The following PASD1 variants were observed in gnomAD, a reference collection of about 807,000 sequenced individuals.
The protein encoded by PASD1 is PAS domain containing repressor 1, also known as circadian clock protein PASD1.
Under a neutral mutation model 58.8 loss-of-function variants are expected in PASD1, and 13 were observed. The observed-to-expected ratio is 0.22, with a 90% CI of 0.14 to 0.35. The LOEUF (loss-of-function observed/expected upper bound fraction) is 0.35, where lower values mean the gene tolerates loss of function less well. PASD1 is among the 10% of genes least tolerant of loss of function. The pLI, the probability that PASD1 is intolerant of heterozygous loss-of-function variation, is 1.00. For missense variants in PASD1, 734 were observed against 568.3 expected (o/e 1.29, Z -2.96); for synonymous variants, 236 against 216.7 (o/e 1.09, Z -0.78).
intron 9 of PASD1, among the ~76,000 whole-genome samples, chrX:151,656,381 A>G (rs1174870151): frequency 4.5e-5 from 5 of 111,527 alleles, no homozygotes; most frequent in Non-Finnish European, 7.5e-5. Flanking sequence ...GTTTTTTCCA[A>G]TTCTGTGAAG....
intron 1 of PASD1, among the ~76,000 whole-genome samples, chrX:151,582,657 TAAA>T (rs1001573454): frequency 8.1e-5 from 9 of 111,739 alleles, no homozygotes; most frequent in Non-Finnish European, 1.5e-4. Flanking sequence ...CTCCGAAGCC[TAAA>T]ATGCTGCTGC....
In PASD1 at chrX:151,675,287, G is replaced by A. The variant is rs368958616; in HGVS notation, c.2176-710G>A. Among the ~76,000 whole-genome samples, 4 of 111,369 alleles carry A rather than the reference G, an allele frequency of 3.6e-5. No individual in the cohort carries two copies. The East Asian group carries it at 8.6e-4, about 24-fold the overall frequency. ...CCCTGCTATCCTCAGGATGAAACCC[G>A]AGCTCCTCTTCTTAGCTTCCCAGCC... On this transcript the variant is annotated intron_variant, in intron 15 of 15. Transcript: ENST00000370357.
chrX:151,672,118 T>C, intron 13 of PASD1, 65 bp from the exon 14 acceptor site: 2 of 1,111,936 alleles, frequency 1.8e-6, no homozygotes, highest in Non-Finnish European at 2.3e-6. Flanking sequence ...ATGGGAGTGT[T>C]AAATAAGTTT....
chrX:151,580,713 T>C (rs1054968936), intron 1 of PASD1, among the ~76,000 whole-genome samples: 2 of 110,430 alleles, frequency 1.8e-5, no homozygotes, highest in African/African-American at 3.3e-5. Context: ...GATATATGTC[T>C]CTCTTGATAT....
intron 8 of PASD1, among the ~76,000 whole-genome samples, chrX:151,627,651 G>A (rs1298741875): frequency 9.0e-6 from 1 of 111,635 alleles, no homozygotes; most frequent in East Asian, 2.8e-4. Context: ...TGTGAATAGT[G>A]CCGCAGTAAA....
At chrX:151,632,011 T>C (rs953866152) in intron 8 of PASD1, among the ~76,000 whole-genome samples, 1 of 110,961 alleles carries the variant, frequency 9.0e-6, no homozygotes, top group Non-Finnish European at 1.9e-5. Flanking sequence ...TTTAAGGATA[T>C]GGTAGTGAGC....
rs142974024 is a variant in PASD1 at position 151,589,592 on chromosome X, C to T, written c.-27-11935C>T. On this transcript the variant is annotated intron_variant, in intron 1 of 15. Coordinates refer to ENST00000370357, the MANE Select transcript of PASD1 (RefSeq NM_173493.3). ...AACCTTGGCATGTAGGTATTATAACCCCCATTTTAAAGTTGAGATAATTGA... is the reference window on the plus strand; with the variant it reads ...AACCTTGGCATGTAGGTATTATAACTCCCATTTTAAAGTTGAGATAATTGA... 5.3e-3 allele frequency among the ~76,000 whole-genome samples: 591 copies of T among 111,337 alleles called. 5 individuals are homozygous for T. The highest frequency in any genetic ancestry group is 0.019 in the African/African-American group (570 of 30,616).
chrX:151,632,656 A>G (rs1165106523), intron 8 of PASD1, among the ~76,000 whole-genome samples: 1 of 111,898 alleles, frequency 8.9e-6, no homozygotes, highest in East Asian at 2.8e-4. Flanking sequence ...ATTCTACTCT[A>G]CTAATTCTAC....
At chrX:151,662,589 A>T (rs1195742113) in intron 10 of PASD1, among the ~76,000 whole-genome samples, 4 of 111,160 alleles carry the variant, frequency 3.6e-5, no homozygotes, top group Non-Finnish European at 7.5e-5. Context: ...CCATGCAACC[A>T]TATACAACCA....
At chrX:151,653,428 G>C (rs940901196) in intron 9 of PASD1, among the ~76,000 whole-genome samples, 3 of 109,973 alleles carry the variant, frequency 2.7e-5, no homozygotes, top group African/African-American at 9.9e-5. Context: ...CTGACCTCAG[G>C]TGATCCACCC....
At position 151,640,899 on chromosome X, in the gene PASD1, A is replaced by G. The variant is rs889790567; in HGVS notation, c.630-7716A>G. 4.5e-5 allele frequency: 5 copies of G among 111,879 alleles called. No homozygotes were observed. The Admixed American group carries it at 4.8e-4, about 11-fold the overall frequency. The allele number at this position is 111,879 out of a possible 1,213,427, so 9.2% of individuals were successfully genotyped here. A position where few individuals can be genotyped will look rare whatever the true frequency, so the allele number is the denominator to read the frequency against. On this transcript the variant is annotated intron_variant, in intron 8 of 15. Coordinates refer to ENST00000370357, the MANE Select transcript of PASD1 (RefSeq NM_173493.3). ...TGCTCAGAGGAAGCCAATATCAGCA[A>G]TATTCTTTTTGAGATGACAAAACCT...
chrX:151,653,868 C>CTCCCTCTCTCTT (rs1556202852), intron 9 of PASD1, among the ~76,000 whole-genome samples: 1 of 16,462 alleles, frequency 6.1e-5, no homozygotes, highest in Non-Finnish European at 1.1e-4. Flanking sequence ...CCCTCCCTCC[C>CTCCCTCTCTCTT]TCTTTCTTTC....
chrX:151,636,830 C>T (rs1249053773), intron 8 of PASD1, among the ~76,000 whole-genome samples: 2 of 111,753 alleles, frequency 1.8e-5, no homozygotes, highest in Admixed American at 1.9e-4. Context: ...TCAACCACCA[C>T]CATAATCAGA....
Sources: gnomAD v4.1 joint callset for allele counts (sites outside exome capture counted in the v4.1 genomes callset) on GRCh38, gnomAD v4.1.1 for gene constraint, MANE v1.5 for transcripts, NCBI Gene and HGNC (gene_info 2026-07-23, HGNC 2026-07-21) for gene names.